Variants in ANKRD26 observed in about 807,000 individuals in gnomAD.
ANKRD26 encodes ankyrin repeat domain 26, also known as ankyrin repeat domain-containing protein 26.
In ANKRD26, 141 loss-of-function variants were observed where a neutral mutation model predicts 208.7. The observed-to-expected ratio is 0.68, with a 90% CI of 0.59 to 0.78. The LOEUF is 0.78. Among genes scored for constraint, ANKRD26 ranks in the 30% least tolerant of loss-of-function variants. The pLI is 0.00. For synonymous variants in ANKRD26, 636 were observed against 660.4 expected (o/e 0.96, Z 0.57); for missense variants, 1,889 against 1,938.7 (o/e 0.97, Z 0.48).
At chr10:27,076,127 G>A (rs985473235) in intron 9 of ANKRD26, among the ~76,000 whole-genome samples, 5 of 152,070 alleles carry the variant, frequency 3.3e-5, no homozygotes, top group African/African-American at 1.2e-4. Flanking sequence ...CAGGAAATTA[G>A]AGAAACAAGG....
intron 29 of ANKRD26, among the ~76,000 whole-genome samples, chr10:27,018,761 T>G (rs1375372618): frequency 1.3e-5 from 2 of 152,156 alleles, no homozygotes; most frequent in African/African-American, 4.8e-5. Context: ...GAATAAATAG[T>G]GCTGGGAAAA....
chr10:27,016,291 A>G (rs1443871124), intron 30 of ANKRD26, among the ~76,000 whole-genome samples: 4 of 151,584 alleles, frequency 2.6e-5, no homozygotes, highest in Admixed American at 2.6e-4. Context: ...GCCCAGCCTA[A>G]TTTGTTTGTT....
intron 1 of ANKRD26, among the ~76,000 whole-genome samples, chr10:27,097,855 G>A (rs1326619572): frequency 2.0e-5 from 3 of 152,054 alleles, no homozygotes; most frequent in Non-Finnish European, 4.4e-5. Context: ...GTTTCACTAC[G>A]TTGGCCAGGA....
the ANKRD26 span, among the ~76,000 whole-genome samples, chr10:26,964,467 G>A: frequency 3.9e-5 from 6 of 152,244 alleles, no homozygotes; most frequent in East Asian, 3.9e-4. Flanking sequence ...GACATTAAAC[G>A]AAGGGTCTAA....
At chr10:27,037,778 T>C (rs1313181440) in intron 22 of ANKRD26, 93 bp downstream of exon 22, 3 of 1,068,368 alleles carry the variant, frequency 2.8e-6, no homozygotes, top group East Asian at 2.6e-5. Context: ...AGTTTTGTTT[T>C]AAACCTAGAT....
At chr10:27,038,345 G>A (rs2054111827) in intron 21 of ANKRD26, among the ~76,000 whole-genome samples, 1 of 152,156 alleles carries the variant, frequency 6.6e-6, no homozygotes, top group Non-Finnish European at 1.5e-5. Context: ...CAGTAAAGAT[G>A]CAAGTTGAAA....
At chr10:27,073,965 A>G (rs1366179825) in intron 9 of ANKRD26, among the ~76,000 whole-genome samples, 2 of 152,196 alleles carry the variant, frequency 1.3e-5, no homozygotes, top group African/African-American at 2.4e-5. Context: ...GCTAGGTGAC[A>G]ATAAACTATA....
rs1339333951 is a variant in ANKRD26 at position 27,067,145 on chromosome 10, C to T, written c.1207+12G>A. On this transcript the variant is annotated intron_variant, in intron 10 of 33. Transcript: ENST00000376087. The stretch of plus-strand genomic sequence containing the variant: ...AGGATAGAAAAATATTCAGAGATAT[C>T]CACTAACTTACCACTTCTATTATTT... 2 of 1,611,856 alleles carry T rather than the reference C, an allele frequency of 1.2e-6. No individual in the cohort carries two copies. The highest frequency in any genetic ancestry group is 1.7e-6 in the Non-Finnish European group (2 of 1,178,800).
At chr10:27,018,134 C>T (rs12242567) in intron 29 of ANKRD26, among the ~76,000 whole-genome samples, 1 of 129,588 alleles carries the variant, frequency 7.7e-6, no homozygotes, top group African/African-American at 2.9e-5. Flanking sequence ...CATAAACATG[C>T]CCTATAATTT....
chr10:26,989,833 C>A (rs2052454429), downstream of ANKRD26, among the ~76,000 whole-genome samples: 1 of 151,834 alleles, frequency 6.6e-6, no homozygotes, highest in African/African-American at 2.4e-5. Flanking sequence ...CTGGAGCATG[C>A]AAGAGAAGGA....
In ANKRD26 at chr10:27,077,298, G is replaced by A. The variant is rs777358196; in HGVS notation, c.1077+40C>T. On this transcript the variant is annotated intron_variant, in intron 9 of 33. Coordinates refer to ENST00000376087, the MANE Select transcript of ANKRD26 (RefSeq NM_014915.3). ...TCATTATGAGGATTGTTGGGGCAGG[G>A]GAAGGGTACATGAAAAAAGTTTTTT... 5 of 1,493,244 alleles carry A rather than the reference G, an allele frequency of 3.3e-6. No homozygotes were observed. In the South Asian group the frequency reaches 5.7e-5, roughly 17 times the overall value. The allele number at this position is 1,493,244 out of a possible 1,614,324, so 92.5% of individuals were successfully genotyped here. A position where few individuals can be genotyped will look rare whatever the true frequency, so the allele number is the denominator to read the frequency against.
chr10:26,989,917 C>T (rs1419115265), downstream of ANKRD26, among the ~76,000 whole-genome samples: 8 of 151,816 alleles, frequency 5.3e-5, no homozygotes, highest in Admixed American at 5.3e-4. Flanking sequence ...GAAGGAAGCA[C>T]CAAGGGGGAA....
downstream of ANKRD26, among the ~76,000 whole-genome samples, chr10:26,971,392 G>A (rs923525938): frequency 2.0e-5 from 3 of 149,814 alleles, no homozygotes; most frequent in Non-Finnish European, 4.4e-5. Context: ...CAAAAAAAGA[G>A]AGCCAGGCGT....
At chr10:26,990,483 C>A (rs1222603714), downstream of ANKRD26, among the ~76,000 whole-genome samples, 1 of 152,146 alleles carries the variant, frequency 6.6e-6, no homozygotes, top group Non-Finnish European at 1.5e-5. Context: ...TTTGGTCCAC[C>A]CATATCACTG....
At chr10:27,042,993 GA>G (rs1446755544) in intron 20 of ANKRD26, among the ~76,000 whole-genome samples, 1 of 141,038 alleles carries the variant, frequency 7.1e-6, no homozygotes, top group East Asian at 2.0e-4. Flanking sequence ...AAAATTTCTA[GA>G]AAAAAAGCAT....
the ANKRD26 span, among the ~76,000 whole-genome samples, chr10:26,954,159 T>C: frequency 2.0e-5 from 3 of 152,228 alleles, no homozygotes; most frequent in African/African-American, 7.2e-5. Context: ...TAAGTGGACA[T>C]ATAAAGGGTG....
In ANKRD26 at chr10:27,100,441, C is replaced by CGCG; in HGVS notation, c.-118_-116dup. The CGCG allele has an allele frequency of 6.8e-7, 1 of 1,476,486 alleles. No homozygotes were observed. The allele number at this position is 1,476,486 out of a possible 1,614,324, so 91.5% of individuals were successfully genotyped here. ...GGCCGCAGCCTCCCAAAGGAAACTC[C>CGCG]GCGGTTTCCAATCTCTCCCTCCGGG... On this transcript the variant is annotated 5_prime_UTR_variant, in exon 1 of 34. Coordinates refer to ENST00000376087, the MANE Select transcript of ANKRD26 (RefSeq NM_014915.3).
chr10:27,088,066 G>A (rs866391628), intron 4 of ANKRD26, among the ~76,000 whole-genome samples: 86 of 152,246 alleles, frequency 5.6e-4, no homozygotes, highest in African/African-American at 2.0e-3. Context: ...AATTAAAGAC[G>A]TGAGCCACTG....
Position 27,024,574 on chromosome 10 carries a change from A to T in ANKRD26, c.3973-15T>A. The stretch of plus-strand genomic sequence containing the variant: ...TCATCTTCAGACTTTGAAACAAAAT[A>T]TTTTCAATTACTTTTAAAACTCTGG... On this transcript the variant is annotated splice_polypyrimidine_tract_variant and intron_variant, in intron 27 of 33. Transcript: ENST00000376087. 1 of 1,365,626 alleles carries T rather than the reference A, an allele frequency of 7.3e-7. No homozygotes were observed. The highest frequency in any genetic ancestry group is 1.0e-6 in the Non-Finnish European group (1 of 958,960). 84.6% of individuals were successfully genotyped at this position (1,365,626 alleles called of 1,614,324 possible).
Sources: gnomAD v4.1 joint callset for allele counts (sites outside exome capture counted in the v4.1 genomes callset) on GRCh38, gnomAD v4.1.1 for gene constraint, MANE v1.5 for transcripts, NCBI Gene and HGNC (gene_info 2026-07-23, HGNC 2026-07-21) for gene names.